Variants in CCDC171 observed in about 807,000 individuals in gnomAD.
CCDC171 encodes coiled-coil domain containing 171.
Under a neutral mutation model 168.2 loss-of-function variants are expected in CCDC171, and 177 were observed. The observed-to-expected ratio is 1.05, with a 90% CI of 0.93 to 1.19. CCDC171 has a LOEUF of 1.19. CCDC171 is among the 50% of genes most tolerant of loss of function. The probability of loss-of-function intolerance (pLI) is 0.00; values close to 1 mark genes in which losing one functional copy is unlikely to be tolerated. For missense variants in CCDC171, 1,991 were observed against 1,539.0 expected (o/e 1.29, Z -4.91); for synonymous variants, 687 against 540.8 (o/e 1.27, Z -3.75).
chr9:15,700,138 G>GGGGGTGGGAGGCAGGC (rs1228113367), intron 11 of CCDC171, among the ~76,000 whole-genome samples: 3 of 152,216 alleles, frequency 2.0e-5, no homozygotes, highest in Non-Finnish European at 2.9e-5. Context: ...AGCCCATGGA[G>GGGGGTGGGAGGCAGGC]GGGGTGGGAG....
intron 7 of CCDC171, among the ~76,000 whole-genome samples, chr9:15,634,091 G>A (rs896920279): frequency 2.0e-5 from 3 of 151,960 alleles, no homozygotes; most frequent in Admixed American, 6.6e-5. Context: ...TGAGTTAATG[G>A]GTGCAGCGCA....
chr9:16,090,123 A>T, the CCDC171 span, among the ~76,000 whole-genome samples: 1 of 152,206 alleles, frequency 6.6e-6, no homozygotes, highest in Non-Finnish European at 1.5e-5. Flanking sequence ...ATGCACACGT[A>T]TGTTTATTGC....
At chr9:15,640,652 G>T (rs1476278224) in intron 7 of CCDC171, among the ~76,000 whole-genome samples, 2 of 152,018 alleles carry the variant, frequency 1.3e-5, no homozygotes, top group African/African-American at 2.4e-5. Flanking sequence ...AACATTGAAG[G>T]TCAGACTAAT....
intron 7 of CCDC171, among the ~76,000 whole-genome samples, chr9:15,638,615 C>A (rs1187419874): frequency 1.3e-5 from 2 of 151,868 alleles, no homozygotes; most frequent in South Asian, 2.1e-4. Flanking sequence ...TTAACAGTTG[C>A]ATTTCTTGAA....
chr9:15,723,577 T>G (rs917512920), intron 12 of CCDC171, 104 bp from the exon 13 acceptor site: 1 of 741,528 alleles, frequency 1.3e-6, no homozygotes, highest in Non-Finnish European at 2.2e-6. Context: ...AGTAATTGCA[T>G]AAAAAGCACT....
chr9:15,717,822 A>T (rs2053190313), intron 11 of CCDC171, among the ~76,000 whole-genome samples: 1 of 152,146 alleles, frequency 6.6e-6, no homozygotes. Context: ...GGCCTGAATA[A>T]TCAGCAGCAA....
chr9:15,679,731 C>A (rs1264145679), intron 10 of CCDC171, among the ~76,000 whole-genome samples: 1 of 152,030 alleles, frequency 6.6e-6, no homozygotes, highest in African/African-American at 2.4e-5. Context: ...AATTTTTTTA[C>A]AGAGATGAGG....
chr9:16,006,839 C>T (rs1470866093), intron 3 of CCDC171, among the ~76,000 whole-genome samples: 1 of 152,156 alleles, frequency 6.6e-6, no homozygotes, highest in Non-Finnish European at 1.5e-5. Context: ...CATTGTTGGA[C>T]ATTTGGGTTG....
At chr9:15,949,348 A>T (rs146463206) in intron 25 of CCDC171, among the ~76,000 whole-genome samples, 1 of 152,084 alleles carries the variant, frequency 6.6e-6, no homozygotes, top group African/African-American at 2.4e-5. Context: ...GTTTTTTCCA[A>T]TTCTGTGAAG....
chr9:15,837,409 C>T (rs1210053373), intron 21 of CCDC171, among the ~76,000 whole-genome samples: 1 of 152,198 alleles, frequency 6.6e-6, no homozygotes, highest in Non-Finnish European at 1.5e-5. Flanking sequence ...GTACTATTTA[C>T]TGAGTATGTA....
chr9:16,085,452 C>T, the CCDC171 span, among the ~76,000 whole-genome samples: 1 of 152,204 alleles, frequency 6.6e-6, no homozygotes, highest in Non-Finnish European at 1.5e-5. Flanking sequence ...GAAGCCAGTG[C>T]CACTGGCCTA....
intron 16 of CCDC171, among the ~76,000 whole-genome samples, chr9:15,741,928 C>T (rs1471143918): frequency 6.6e-6 from 1 of 152,186 alleles, no homozygotes; most frequent in Non-Finnish European, 1.5e-5. Flanking sequence ...CTATCTCTAC[C>T]TGTATCTACA....
intron 25 of CCDC171, among the ~76,000 whole-genome samples, chr9:15,947,288 T>C (rs1038791475): frequency 6.6e-6 from 1 of 152,036 alleles, no homozygotes; most frequent in African/African-American, 2.4e-5. Context: ...TAAAAGCTTA[T>C]GTTATGACAT....
intron 6 of CCDC171, among the ~76,000 whole-genome samples, chr9:15,598,281 C>T (rs984774199): frequency 1.2e-4 from 18 of 152,028 alleles, no homozygotes; most frequent in African/African-American, 4.1e-4. Context: ...CTCTTGTGGG[C>T]ATTTAGTGCT....
At chr9:15,903,801 C>T (rs1289475472) in intron 24 of CCDC171, among the ~76,000 whole-genome samples, 1 of 152,170 alleles carries the variant, frequency 6.6e-6, no homozygotes, top group Admixed American at 6.5e-5. Flanking sequence ...CGAATGCTAA[C>T]TAGAATAACC....
intron 11 of CCDC171, among the ~76,000 whole-genome samples, chr9:15,714,611 CT>C (rs1459833307): frequency 3.9e-5 from 6 of 152,110 alleles, no homozygotes; most frequent in Non-Finnish European, 7.4e-5. Flanking sequence ...TACAGTTACC[CT>C]GTTAGATGGT....
At chr9:15,708,063 G>A (rs1205732149) in intron 11 of CCDC171, among the ~76,000 whole-genome samples, 1 of 152,184 alleles carries the variant, frequency 6.6e-6, no homozygotes, top group East Asian at 1.9e-4. Context: ...GGCCAGGCTG[G>A]TCTTGAACTC....
At chr9:15,743,609 G>A (rs748751682) in intron 16 of CCDC171, among the ~76,000 whole-genome samples, 1 of 152,194 alleles carries the variant, frequency 6.6e-6, no homozygotes, top group Non-Finnish European at 1.5e-5. Flanking sequence ...GTTTTGGATT[G>A]TAAGCAACTT....
rs551796356 is a variant in CCDC171 at position 15,821,739 on chromosome 9, G to A, written c.3268-24963G>A. Among the ~76,000 whole-genome samples, 120 of 116,968 alleles carry A rather than the reference G, an allele frequency of 1.0e-3. 34 individuals are homozygous for A. The highest frequency in any genetic ancestry group is 3.8e-3 in the African/African-American group (118 of 31,000). The allele number at this position is 116,968 out of a possible 152,430, so 76.7% of individuals were successfully genotyped here. On this transcript the variant is annotated intron_variant, in intron 21 of 25. Coordinates refer to ENST00000380701, the MANE Select transcript of CCDC171 (RefSeq NM_173550.4). The stretch of plus-strand genomic sequence containing the variant: ...CTCCTGGGTGGGAAGAATCAATATC[G>A]TGAAAATGGCCATACTGCCCAAGGT...
Sources: allele counts gnomAD v4.1 joint callset (sites outside exome capture counted in the v4.1 genomes callset), GRCh38; gene constraint gnomAD v4.1.1; transcripts MANE v1.5; gene names NCBI Gene and HGNC (gene_info 2026-07-23, HGNC 2026-07-21).